USP42: variants seen among roughly 807,000 people sequenced by gnomAD.
USP42 encodes the protein ubiquitin carboxyl-terminal hydrolase 42.
In USP42, 23 loss-of-function variants were observed where a neutral mutation model predicts 113.0. The ratio of observed to expected loss-of-function variants is 0.20; its 90% confidence interval spans 0.15 to 0.29. The LOEUF is 0.29. USP42 is among the 10% of genes least tolerant of loss of function. The pLI is 1.00. For missense variants in USP42, 2,174 were observed against 1,779.8 expected (o/e 1.22, Z -3.99); for synonymous variants, 933 against 699.0 (o/e 1.33, Z -5.28).
intron 3 of USP42, among the ~76,000 whole-genome samples, chr7:6,133,859 G>A (rs567753807): frequency 6.7e-6 from 1 of 150,124 alleles, no homozygotes; most frequent in East Asian, 2.0e-4. Flanking sequence ...ATGTGTATAA[G>A]CAGATTTGCA....
intron 7 of USP42, 120 bp downstream of exon 7, chr7:6,141,104 A>G: frequency 2.0e-6 from 1 of 499,760 alleles, no homozygotes; most frequent in South Asian, 3.8e-5. Flanking sequence ...TCAATATGCT[A>G]AGATTTCATT....
At chr7:6,103,031 G>A (rs1182216106), upstream of USP42, among the ~76,000 whole-genome samples, 7 of 151,126 alleles carry the variant, frequency 4.6e-5, 1 homozygote, top group African/African-American at 1.7e-4. Context: ...CCAGGGGAGG[G>A]AAAGAGGCAG....
At chr7:6,111,469 C>T (rs1384068536) in intron 2 of USP42, 95 bp downstream of exon 2, 33 of 1,456,982 alleles carry the variant, frequency 2.3e-5, no homozygotes, top group Middle Eastern at 1.8e-4. Flanking sequence ...TTTTGCAAGG[C>T]GTGAGGCCAC....
chr7:6,146,052 A>G, intron 10 of USP42, 96 bp from the exon 11 acceptor site: 2 of 959,086 alleles, frequency 2.1e-6, no homozygotes, highest in Non-Finnish European at 3.1e-6. Context: ...ACAGAGTGAG[A>G]CTCCATCTCA....
rs965334627 is a variant in USP42 at position 6,114,806 on chromosome 7, T to A, written c.242-517T>A. Among the ~76,000 whole-genome samples, 6 of 149,162 alleles carry A rather than the reference T, an allele frequency of 4.0e-5. No individual in the cohort carries two copies. The East Asian group carries it at 1.2e-3, about 30-fold the overall frequency. On this transcript the variant is annotated intron_variant, in intron 2 of 17. Coordinates refer to ENST00000306177, the MANE Select transcript of USP42 (RefSeq NM_032172.3). Reference sequence around the variant, plus strand: ...CCCGGGTTCACGCCATTCTCCTGTCTTAGCCTCCCTAGTAGCTAGGACTAC... The same window carrying A: ...CCCGGGTTCACGCCATTCTCCTGTCATAGCCTCCCTAGTAGCTAGGACTAC...
intron 8 of USP42, among the ~76,000 whole-genome samples, 186 bp downstream of exon 8, chr7:6,143,200 T>C (rs1781526093): frequency 6.6e-6 from 1 of 152,174 alleles, no homozygotes; most frequent in African/African-American, 2.4e-5. Flanking sequence ...TTCTGCAAGA[T>C]GCGCAGCTCT....
At position 6,157,365 on chromosome 7, in the gene USP42, CTTGGT is replaced by C. The variant is rs903270626; in HGVS notation, c.3943+323_3943+327del. On this transcript the variant is annotated intron_variant, in intron 16 of 17. Coordinates refer to ENST00000306177, the MANE Select transcript of USP42 (RefSeq NM_032172.3). The surrounding 1 kb of genome is among the most constrained non-coding windows in gnomAD (Gnocchi z 4.1). The stretch of plus-strand genomic sequence containing the variant: ...CTTTGCCTTGCAAAGGACCAGAACT[CTTGGT>C]TTGGTTTGGTTTTATTTTATTTTAT... 3.8e-6 allele frequency: 4 copies of C among 1,056,116 alleles called. No individual in the cohort carries two copies. Among genetic ancestry groups the C allele is most frequent in the African/African-American group, 3.3e-5 (2 of 60,030 alleles). 65.4% of individuals were successfully genotyped at this position (1,056,116 alleles called of 1,614,324 possible). A position where few individuals can be genotyped will look rare whatever the true frequency, so the allele number is the denominator to read the frequency against.
chr7:6,092,072 C>CTTTTCTTCTTCTTCTTTCTTCTTCTTCT, the USP42 span, among the ~76,000 whole-genome samples: 1 of 49,896 alleles, frequency 2.0e-5, no homozygotes. Context: ...TCTTCTTCTT[C>CTTTTCTTCTTCTTCTTTCTTCTTCTTCT]TTCCTCTTCC....
Position 6,140,156 on chromosome 7 carries a change from C to T in USP42, c.685C>T (p.Leu229Phe). ...KLDRHTQATT[L>F]VCQIFGGYLR... ...AGACAGACACACCCAGGCCACCACT[C>T]TTGTTTGTCAGATATTTGGAGGATA... Residue 229 changes from leucine (L) to phenylalanine (F), a missense_variant, in exon 6 of 18, where the codon CTT (leucine) becomes TTT (phenylalanine). Coordinates refer to ENST00000306177, the MANE Select transcript of USP42 (RefSeq NM_032172.3). The T allele has an allele frequency of 6.2e-7, 1 of 1,614,016 alleles. No homozygotes were observed. Among genetic ancestry groups the T allele is most frequent in the Non-Finnish European group, 8.5e-7 (1 of 1,179,884 alleles).
chr7:6,140,236 G>A (rs767183385), intron 6 of USP42, 41 bp downstream of exon 6: 1 of 1,567,782 alleles, frequency 6.4e-7, no homozygotes, highest in Non-Finnish European at 8.8e-7. Context: ...ATACACACAT[G>A]TGGTTAAAAA....
chr7:6,144,029 C>A, intron 8 of USP42, 56 bp from the exon 9 acceptor site: 3 of 1,173,216 alleles, frequency 2.6e-6, no homozygotes, highest in South Asian at 1.7e-5. Flanking sequence ...ACCAAAATAC[C>A]ACAAATTGTG....
chr7:6,083,935 T>C, the USP42 span, among the ~76,000 whole-genome samples: 4 of 151,208 alleles, frequency 2.6e-5, no homozygotes, highest in Non-Finnish European at 5.9e-5. Context: ...GCCCCTTTTT[T>C]CTAACCTTAA....
rs1782586772 is a variant in USP42 at position 6,158,484 on chromosome 7, G to T, written c.3944-966G>T. Among the ~76,000 whole-genome samples the T allele has an allele frequency of 6.6e-6, 1 of 152,172 alleles. No homozygotes were observed. Among genetic ancestry groups the T allele is most frequent in the South Asian group, 2.1e-4 (1 of 4,830 alleles). On this transcript the variant is annotated intron_variant, in intron 16 of 17. Coordinates refer to ENST00000306177, the MANE Select transcript of USP42 (RefSeq NM_032172.3). The surrounding 1 kb of genome is among the most constrained non-coding windows in gnomAD (Gnocchi z 4.2). ...GAGCTGTGTGTTCTGGGGAAGGCCT[G>T]TCCCTCCCAGCAGCCCAGAGCCAGC...
rs973441827 is a variant in USP42, at chr7:6,159,719, A to AC, written c.*36+229dup. 5.1e-4 allele frequency among the ~76,000 whole-genome samples: 77 copies of AC among 152,112 alleles called. No homozygotes were observed. Among genetic ancestry groups the AC allele is most frequent in the African/African-American group, 1.7e-3 (70 of 41,484 alleles). On this transcript the variant is annotated intron_variant, in intron 17 of 17. Coordinates refer to ENST00000306177, the MANE Select transcript of USP42 (RefSeq NM_032172.3). This position sits in a 1 kb window ranked among gnomAD's most constrained non-coding sequence, Gnocchi z 4.1. ...ACGTTTGCATTACTGGCTGGGGAAG[A>AC]CCCGCATCCTTCACGCAGGCAGAGT... is the stretch of plus-strand genomic sequence containing the variant.
intron 1 of USP42, among the ~76,000 whole-genome samples, chr7:6,105,476 C>G (rs1265987441): frequency 2.0e-5 from 3 of 146,744 alleles, no homozygotes; most frequent in African/African-American, 7.4e-5. Context: ...CCGCCCGCCG[C>G]CCCCCGCGTG....
chr7:6,160,930 C>CA lies in USP42; in HGVS notation c.*413dup, dbSNP rs1782740833. ...TGGAATTGTCAAAAGTACAAACTGA[C>CA]AGTGTGTATATTTAATTTAAAGACT... On this transcript the variant is annotated 3_prime_UTR_variant, in exon 18 of 18. Transcript: ENST00000306177. 6.6e-6 allele frequency: 1 copy of CA among 152,632 alleles called. No homozygotes were observed. The highest frequency in any genetic ancestry group is 1.5e-5 in the Non-Finnish European group (1 of 68,048). The allele number at this position is 152,632 out of a possible 1,614,324, so 9.5% of individuals were successfully genotyped here.
At chr7:6,147,636 A>G in intron 11 of USP42, 103 bp from the exon 12 acceptor site, 1 of 1,353,802 alleles carries the variant, frequency 7.4e-7, no homozygotes, top group Non-Finnish European at 9.9e-7. Flanking sequence ...TATTTTTTTC[A>G]TCAGGTTTCC....
chr7:6,090,778 CATATATAACATAAT>C, the USP42 span, among the ~76,000 whole-genome samples: 1 of 144,716 alleles, frequency 6.9e-6, no homozygotes, highest in African/African-American at 2.6e-5. Context: ...ATATATATAA[CATATATAACATAAT>C]ATATATAACA....
chr7:6,153,795 C>T lies in USP42; in HGVS notation c.2241C>T (p.Asp747=), dbSNP rs369290853. Residue 747 remains aspartate (D), a synonymous_variant, in exon 15 of 18, where the codon GAC becomes GAT. Coordinates refer to ENST00000306177, the MANE Select transcript of USP42 (RefSeq NM_032172.3). ...AGAGGGGCCCTCCCGAGGACCGCGA[C>T]GCCGAGCCTCAGCCTGGCAGCCCCG... ...GAERGPPEDR[D]AEPQPGSPAA... 9 of 1,509,218 alleles carry T rather than the reference C, an allele frequency of 6.0e-6. No homozygotes were observed. Among genetic ancestry groups the T allele is most frequent in the Middle Eastern group, 2.3e-4 (1 of 4,270 alleles). The allele number at this position is 1,509,218 out of a possible 1,614,324, so 93.5% of individuals were successfully genotyped here. A position where few individuals can be genotyped will look rare whatever the true frequency, so the allele number is the denominator to read the frequency against.
Sources: gnomAD v4.1 joint callset for allele counts (sites outside exome capture counted in the v4.1 genomes callset) on GRCh38, gnomAD v4.1.1 for gene constraint, Gnocchi (gnomAD v3.1) non-coding constraint, MANE v1.5 for transcripts, NCBI Gene and HGNC (gene_info 2026-07-23, HGNC 2026-07-21) for gene names.